Variants in ICA1L observed in about 807,000 individuals in gnomAD.
ICA1L encodes the protein islet cell autoantigen 1 like, also known as islet cell autoantigen 1-like protein.
Under a neutral mutation model 61.3 loss-of-function variants are expected in ICA1L, and 50 were observed. That is an observed-to-expected ratio of 0.82 (90% CI 0.65 to 1.03). ICA1L has a LOEUF of 1.03. Ranked by LOEUF, ICA1L falls within the 50% of genes least tolerant of loss-of-function variation. The pLI is 0.00. For synonymous variants in ICA1L, 161 were observed against 191.3 expected (o/e 0.84, Z 1.31); for missense variants, 508 against 556.7 (o/e 0.91, Z 0.88).
chr2:202,809,961 G>T (rs989505399), intron 9 of ICA1L, among the ~76,000 whole-genome samples: 1 of 151,814 alleles, frequency 6.6e-6, no homozygotes, highest in African/African-American at 2.4e-5. Flanking sequence ...CCCAAACCTA[G>T]AGAAAGATAC....
chr2:202,832,888 G>T (rs926986106), intron 1 of ICA1L, among the ~76,000 whole-genome samples: 3 of 152,152 alleles, frequency 2.0e-5, no homozygotes, highest in East Asian at 1.9e-4. Flanking sequence ...GGGGCAAGGG[G>T]TGGGAGGAGG....
At chr2:202,829,398 A>G (rs958933161) in intron 1 of ICA1L, among the ~76,000 whole-genome samples, 1 of 152,200 alleles carries the variant, frequency 6.6e-6, no homozygotes, top group African/African-American at 2.4e-5. Context: ...AAAAAACTCA[A>G]TAAATATGTT....
intron 9 of ICA1L, among the ~76,000 whole-genome samples, chr2:202,810,644 G>C (rs975360326): frequency 7.1e-6 from 1 of 141,234 alleles, no homozygotes; most frequent in Non-Finnish European, 1.5e-5. Flanking sequence ...CAGGGAACAA[G>C]AGAGATAACC....
rs547120080 is a variant in ICA1L, at chr2:202,855,893, G to A, written c.-8+15726C>T. 2.0e-5 allele frequency among the ~76,000 whole-genome samples: 3 copies of A among 152,008 alleles called. No individual in the cohort carries two copies. The South Asian group carries it at 6.2e-4, about 32-fold the overall frequency. ...GTTCAAGACCAGCCTGGCCAACATC[G>A]TGAAACCCCGTCTCTACTAAAAATA... is the stretch of plus-strand genomic sequence containing the variant. On this transcript the variant is annotated intron_variant, in intron 1 of 12. Coordinates refer to ENST00000358299, the MANE Select transcript of ICA1L (RefSeq NM_001288622.3).
At position 202,774,267 on chromosome 2, in the gene ICA1L, AC is replaced by A; in HGVS notation, c.*5265del. The A allele has an allele frequency of 6.5e-7, 1 of 1,544,692 alleles. No individual in the cohort carries two copies. Among genetic ancestry groups the A allele is most frequent in the East Asian group, 2.4e-5 (1 of 40,838 alleles). ...TCGCTCCTGTCGGCCAAAGGCCGTG[AC>A]CCCGACGCGTGCAGGCACCTACGGG... On this transcript the variant is annotated 3_prime_UTR_variant, in exon 13 of 13. Coordinates refer to ENST00000358299, the MANE Select transcript of ICA1L (RefSeq NM_001288622.3).
At chr2:202,788,539 G>GGT (rs1396337490) in intron 11 of ICA1L, among the ~76,000 whole-genome samples, 1 of 152,100 alleles carries the variant, frequency 6.6e-6, no homozygotes, top group African/African-American at 2.4e-5. Context: ...GACTGCCCTA[G>GGT]GTAGGAGTAA....
At position 202,774,291 on chromosome 2, in the gene ICA1L, G is replaced by T. The variant is rs1483454485; in HGVS notation, c.*5242C>A. 1 of 1,527,662 alleles carries T rather than the reference G, an allele frequency of 6.5e-7. No homozygotes were observed. The highest frequency in any genetic ancestry group is 1.4e-5 in the African/African-American group (1 of 71,440). The allele number at this position is 1,527,662 out of a possible 1,614,324, so 94.6% of individuals were successfully genotyped here. A position where few individuals can be genotyped will look rare whatever the true frequency, so the allele number is the denominator to read the frequency against. On this transcript the variant is annotated 3_prime_UTR_variant, in exon 13 of 13. Transcript: ENST00000358299. ...GACCCCGACGCGTGCAGGCACCTAC[G>T]GGCGACCGCGGACGGCGGCGCGCGC...
intron 1 of ICA1L, among the ~76,000 whole-genome samples, chr2:202,848,371 C>T (rs1694523915): frequency 6.6e-6 from 1 of 152,140 alleles, no homozygotes; most frequent in Admixed American, 6.6e-5. Context: ...ATAAAAGGAA[C>T]CGAAACAAGT....
chr2:202,824,816 G>T (rs1693793228), intron 3 of ICA1L, among the ~76,000 whole-genome samples: 1 of 152,216 alleles, frequency 6.6e-6, no homozygotes, highest in Non-Finnish European at 1.5e-5. Flanking sequence ...GGAGAGAAGA[G>T]AATCAGCAAA....
At chr2:202,811,342 G>C (rs1384884755) in intron 9 of ICA1L, among the ~76,000 whole-genome samples, 1 of 152,066 alleles carries the variant, frequency 6.6e-6, no homozygotes, top group Non-Finnish European at 1.5e-5. Flanking sequence ...AGGAGAAACA[G>C]ACTTGCCCAG....
intron 1 of ICA1L, among the ~76,000 whole-genome samples, chr2:202,837,855 T>A (rs955067974): frequency 2.6e-5 from 4 of 152,142 alleles, no homozygotes; most frequent in Non-Finnish European, 5.9e-5. Context: ...GTTTCAAGAT[T>A]TTATTTATTT....
In ICA1L at chr2:202,774,299, G is replaced by C. The variant is rs889323928; in HGVS notation, c.*5234C>G. On this transcript the variant is annotated 3_prime_UTR_variant, in exon 13 of 13. Transcript: ENST00000358299. ...CGCGTGCAGGCACCTACGGGCGACC[G>C]CGGACGGCGGCGCGCGCGTTCCCCG... 6.6e-7 allele frequency: 1 copy of C among 1,515,904 alleles called. No homozygotes were observed. Among genetic ancestry groups the C allele is most frequent in the Non-Finnish European group, 8.8e-7 (1 of 1,136,854 alleles). The allele number at this position is 1,515,904 out of a possible 1,614,324, so 93.9% of individuals were successfully genotyped here. A position where few individuals can be genotyped will look rare whatever the true frequency, so the allele number is the denominator to read the frequency against.
At chr2:202,806,286 GA>G (rs1693224483) in intron 9 of ICA1L, among the ~76,000 whole-genome samples, 1 of 152,150 alleles carries the variant, frequency 6.6e-6, no homozygotes, top group African/African-American at 2.4e-5. Context: ...GGACAAGGTA[GA>G]GTCCCAAGGC....
At chr2:202,788,036 T>C (rs1212868810) in intron 11 of ICA1L, among the ~76,000 whole-genome samples, 1 of 152,212 alleles carries the variant, frequency 6.6e-6, no homozygotes, top group Non-Finnish European at 1.5e-5. Context: ...AGTGTGATTA[T>C]AGAAAACCGC....
At chr2:202,789,444 A>AAAAG (rs1692681998) in intron 10 of ICA1L, among the ~76,000 whole-genome samples, 1 of 152,206 alleles carries the variant, frequency 6.6e-6, no homozygotes, top group Non-Finnish European at 1.5e-5. Flanking sequence ...CAACAGATAA[A>AAAAG]AAAGATCAAA....
At chr2:202,839,977 C>T (rs1694277027) in intron 1 of ICA1L, among the ~76,000 whole-genome samples, 1 of 151,676 alleles carries the variant, frequency 6.6e-6, no homozygotes, top group Non-Finnish European at 1.5e-5. Context: ...CCCTGCCTGA[C>T]ATTTTATGGT....
intron 1 of ICA1L, among the ~76,000 whole-genome samples, chr2:202,831,701 A>C (rs1377950543): frequency 2.0e-5 from 3 of 152,180 alleles, no homozygotes; most frequent in Admixed American, 6.5e-5. Flanking sequence ...CCATTTCTGG[A>C]AACTATCTTG....
Position 202,849,860 on chromosome 2 carries a change from C to T in ICA1L, c.-7-20844G>A, listed in dbSNP as rs902724362. On this transcript the variant is annotated intron_variant, in intron 1 of 12. Transcript: ENST00000358299. This position sits in a 1 kb window ranked among gnomAD's most constrained non-coding sequence, Gnocchi z 4.5. ...CCCATGCCTCCTGACTGGAAGACAC[C>T]TCCCAGCAGGGGTCAACAGACACCT... Among the ~76,000 whole-genome samples the T allele has an allele frequency of 1.3e-5, 2 of 152,192 alleles. No individual in the cohort carries two copies. Among genetic ancestry groups the T allele is most frequent in the African/African-American group, 4.8e-5 (2 of 41,444 alleles).
At chr2:202,869,376 T>C (rs1396997389) in intron 1 of ICA1L, among the ~76,000 whole-genome samples, 2 of 150,496 alleles carry the variant, frequency 1.3e-5, no homozygotes, top group Admixed American at 6.6e-5. Context: ...AAATAAGAAA[T>C]AAAATAAAAT....
Sources: allele counts gnomAD v4.1 joint callset (sites outside exome capture counted in the v4.1 genomes callset), GRCh38; gene constraint gnomAD v4.1.1; non-coding constraint Gnocchi (gnomAD v3.1); transcripts MANE v1.5; gene names NCBI Gene and HGNC (gene_info 2026-07-23, HGNC 2026-07-21).